The following INVS variants were observed in gnomAD, a reference collection of about 807,000 sequenced individuals.
INVS encodes the protein inversion of embryo turning homolog.
INVS carries 86 observed loss-of-function variants against 108.8 expected under a neutral mutation model. That is an observed-to-expected ratio of 0.79 (90% confidence interval 0.66 to 0.95). The LOEUF (loss-of-function observed/expected upper bound fraction) is 0.95. INVS is among the 40% of genes least tolerant of loss of function. The probability of loss-of-function intolerance (pLI) is 0.00; values close to 1 mark genes in which losing one functional copy is unlikely to be tolerated. For missense variants in INVS, 1,169 were observed against 1,297.4 expected (o/e 0.90, Z 1.52); for synonymous variants, 455 against 473.5 (o/e 0.96, Z 0.51).
At chr9:100,104,811 G>A (rs751015179) in intron 2 of INVS, among the ~76,000 whole-genome samples, 184 bp downstream of exon 2, 8 of 152,140 alleles carry the variant, frequency 5.3e-5, no homozygotes, top group Non-Finnish European at 1.0e-4. Flanking sequence ...ATATGGGTTA[G>A]GATTAGGTGA....
At chr9:100,132,279 A>G (rs1185593951) in intron 3 of INVS, among the ~76,000 whole-genome samples, 1 of 152,220 alleles carries the variant, frequency 6.6e-6, no homozygotes, top group Admixed American at 6.5e-5. Flanking sequence ...AAATGTGAAT[A>G]TCAAATAGAT....
At chr9:100,226,270 C>G (rs748955353) in intron 4 of INVS, 35 bp downstream of exon 4, 39 of 1,583,952 alleles carry the variant, frequency 2.5e-5, no homozygotes, top group Non-Finnish European at 3.2e-5. Context: ...CTAATAAGAC[C>G]AGAAAGCAAA....
chr9:100,266,317 AG>A (rs1832791813), intron 11 of INVS, among the ~76,000 whole-genome samples: 1 of 152,200 alleles, frequency 6.6e-6, no homozygotes, highest in Non-Finnish European at 1.5e-5. Flanking sequence ...AAGTTTATTA[AG>A]AAAGGAAAGG....
intron 3 of INVS, among the ~76,000 whole-genome samples, chr9:100,216,658 A>G (rs1388141087): frequency 6.6e-6 from 1 of 152,228 alleles, no homozygotes; most frequent in East Asian, 1.9e-4. Flanking sequence ...ATCCACCTAA[A>G]GATCCATGTC....
At chr9:100,196,091 T>C (rs1830366072) in intron 3 of INVS, among the ~76,000 whole-genome samples, 1 of 152,198 alleles carries the variant, frequency 6.6e-6, no homozygotes, top group Non-Finnish European at 1.5e-5. Flanking sequence ...TTTGTAGAAT[T>C]TACCAGTGAA....
At chr9:100,260,193 T>C (rs13290328) in intron 10 of INVS, among the ~76,000 whole-genome samples, 1,629 of 142,258 alleles carry the variant, frequency 0.011, 21 homozygotes, top group African/African-American at 0.017. Flanking sequence ...TTTCTTTTTT[T>C]TTTTTTTTTT....
chr9:100,104,717 C>T, intron 2 of INVS, 90 bp downstream of exon 2: 1 of 816,326 alleles, frequency 1.2e-6, no homozygotes, highest in Non-Finnish European at 2.1e-6. Flanking sequence ...GCAATGTACT[C>T]ATACATTTTA....
At chr9:100,252,153 G>A in intron 8 of INVS, 130 bp from the exon 9 acceptor site, 1 of 1,066,812 alleles carries the variant, frequency 9.4e-7, no homozygotes, top group Admixed American at 1.8e-5. Flanking sequence ...AAATAAATTA[G>A]TGAATCCTTA....
intron 3 of INVS, among the ~76,000 whole-genome samples, chr9:100,159,207 A>G (rs1829095535): frequency 6.6e-6 from 1 of 152,228 alleles, no homozygotes; most frequent in Non-Finnish European, 1.5e-5. Flanking sequence ...GAAGAATACA[A>G]ACAAAATGGT....
chr9:100,284,570 G>T lies in INVS; in HGVS notation c.2035G>T (p.Asp679Tyr), dbSNP rs751056550. The change falls in exon 13 of 17, where the codon GAT becomes TAT. Residue 679 changes from aspartate to tyrosine, a missense_variant. By Grantham distance (160) the Asp-to-Tyr change is radical. Around this residue, in one of 3 missense-constraint regions of INVS, gnomAD observed 533 missense variants for 536.0 expected, o/e 0.99. Transcript: ENST00000262457. Reference protein sequence around the residue: ...ALQKEQHVSSDLQGTNSRRPN... With the variant: ...ALQKEQHVSSYLQGTNSRRPN... The stretch of plus-strand genomic sequence containing the variant: ...CCAGAAGGAGCAGCATGTTTCCTCA[G>T]ATTTGCAGGGAACAAACTCCAGAAG... The T allele has an allele frequency of 1.1e-5, 17 of 1,613,672 alleles. No individual in the cohort carries two copies. Among genetic ancestry groups the T allele is most frequent in the Admixed American group, 3.3e-5 (2 of 59,970 alleles).
chr9:100,103,213 G>A (rs1163990655), intron 1 of INVS, among the ~76,000 whole-genome samples: 1 of 152,168 alleles, frequency 6.6e-6, no homozygotes, highest in East Asian at 1.9e-4. Context: ...AGTCTGGCAT[G>A]CAATGGTGTG....
chr9:100,296,862 TTA>T, intron 14 of INVS, 53 bp from the exon 15 acceptor site: 1 of 1,396,842 alleles, frequency 7.2e-7, no homozygotes, highest in Non-Finnish European at 1.0e-6. Flanking sequence ...TTAAGGAAAT[TTA>T]GTTTTCTCAG....
At chr9:100,133,842 C>T (rs1268448081) in intron 3 of INVS, among the ~76,000 whole-genome samples, 5 of 149,094 alleles carry the variant, frequency 3.4e-5, no homozygotes, top group African/African-American at 9.8e-5. Flanking sequence ...GCTCCCAGCC[C>T]CGGTAATACC....
At chr9:100,231,232 T>C (rs1831502846) in intron 5 of INVS, among the ~76,000 whole-genome samples, 1 of 152,228 alleles carries the variant, frequency 6.6e-6, no homozygotes, top group African/African-American at 2.4e-5. Flanking sequence ...TATTTTTTAA[T>C]CGTTTTTTAC....
chr9:100,258,969 C>T (rs530647312), intron 10 of INVS, among the ~76,000 whole-genome samples: 2 of 152,218 alleles, frequency 1.3e-5, no homozygotes, highest in South Asian at 2.1e-4. Context: ...TTTAAGTCTG[C>T]AGAAGTTTCT....
chr9:100,205,466 CT>C (rs2118260367), intron 3 of INVS, among the ~76,000 whole-genome samples: 1 of 151,938 alleles, frequency 6.6e-6, no homozygotes, highest in Admixed American at 6.5e-5. Flanking sequence ...ATTTGTCATT[CT>C]CTCTCCATCT....
At chr9:100,227,173 TTGTTTATTGAAG>T (rs1433163465) in intron 4 of INVS, among the ~76,000 whole-genome samples, 1 of 152,358 alleles carries the variant, frequency 6.6e-6, no homozygotes, top group South Asian at 2.1e-4. Context: ...GAATTACGTG[TTGTTTATTGAAG>T]ATGTGGTTAT....
At chr9:100,178,525 G>A (rs1388790010) in intron 3 of INVS, among the ~76,000 whole-genome samples, 1 of 152,116 alleles carries the variant, frequency 6.6e-6, no homozygotes, top group Non-Finnish European at 1.5e-5. Context: ...CAATCAAATC[G>A]AAGAAAGAAT....
chr9:100,174,105 CATG>C (rs1357244390), intron 3 of INVS, among the ~76,000 whole-genome samples: 1 of 152,172 alleles, frequency 6.6e-6, no homozygotes, highest in African/African-American at 2.4e-5. Flanking sequence ...GTTCCATACT[CATG>C]AGAAAAAGTA....
Sources: allele counts gnomAD v4.1 joint callset (sites outside exome capture counted in the v4.1 genomes callset), GRCh38; gene constraint gnomAD v4.1.1; regional missense constraint gnomAD v4.1.1; transcripts MANE v1.5; gene names NCBI Gene and HGNC (gene_info 2026-07-23, HGNC 2026-07-21).